The following ADAMTS14 variants were observed in gnomAD, a reference collection of about 807,000 sequenced individuals.
ADAMTS14 encodes ADAM metallopeptidase with thrombospondin type 1 motif 14.
A neutral mutation model predicts 128.6 loss-of-function variants in ADAMTS14; 100 were observed. The observed-to-expected ratio is 0.78, with a 90% CI of 0.66 to 0.92. The LOEUF (loss-of-function observed/expected upper bound fraction) is 0.92, where lower values mean the gene tolerates loss of function less well. ADAMTS14 is among the 40% of genes least tolerant of loss of function. The pLI is 0.00. For synonymous variants in ADAMTS14, 665 were observed against 653.8 expected, an observed-to-expected ratio of 1.02 and a Z score of -0.26; for missense variants, 1,562 against 1,658.6, an observed-to-expected ratio of 0.94 and a Z score of 1.01.
At chr10:70,684,158 G>A (rs1001926181) in intron 2 of ADAMTS14, among the ~76,000 whole-genome samples, 49 of 151,762 alleles carry the variant, frequency 3.2e-4, no homozygotes, top group African/African-American at 1.2e-3. Context: ...AGCAGGGGAG[G>A]GGGGTGCTAC....
chr10:70,714,571 T>C (rs7096512), intron 4 of ADAMTS14, among the ~76,000 whole-genome samples: 91,091 of 152,058 alleles, frequency 0.6, 28,152 homozygotes, highest in East Asian at 0.8. Context: ...CTGAAAGAGA[T>C]GGACTGGCAG....
intron 18 of ADAMTS14, among the ~76,000 whole-genome samples, chr10:70,752,596 C>T (rs1300690711): frequency 6.6e-6 from 1 of 152,184 alleles, no homozygotes; most frequent in East Asian, 1.9e-4. Context: ...GGCTCATGGC[C>T]AGGCCTCTGA....
intron 4 of ADAMTS14, among the ~76,000 whole-genome samples, chr10:70,719,165 A>G (rs1162140830): frequency 6.6e-6 from 1 of 152,040 alleles, no homozygotes; most frequent in African/African-American, 2.4e-5. Context: ...TCCACATCAA[A>G]TTGTCCACTG....
At chr10:70,691,581 C>T (rs1243581009) in intron 2 of ADAMTS14, among the ~76,000 whole-genome samples, 1 of 151,640 alleles carries the variant, frequency 6.6e-6, no homozygotes, top group Non-Finnish European at 1.5e-5. Context: ...TGGAGGACAG[C>T]CAGTCATCAC....
chr10:70,721,424 T>C (rs1318817417), intron 4 of ADAMTS14, among the ~76,000 whole-genome samples: 1 of 150,702 alleles, frequency 6.6e-6, no homozygotes, highest in African/African-American at 2.4e-5. Context: ...CTTGCTCTAT[T>C]GCCCAGGATG....
chr10:70,755,577 G>T (rs1198964338), intron 19 of ADAMTS14, among the ~76,000 whole-genome samples: 1 of 152,234 alleles, frequency 6.6e-6, no homozygotes, highest in Non-Finnish European at 1.5e-5. Flanking sequence ...GGGCGCGGTG[G>T]CTCACGCCTG....
intron 7 of ADAMTS14, 149 bp from the exon 8 acceptor site, chr10:70,733,736 C>G (rs565356950): frequency 6.1e-6 from 6 of 989,090 alleles, no homozygotes; most frequent in Non-Finnish European, 8.7e-6. Context: ...TTGGTCCTCC[C>G]CACTACGTGG....
chr10:70,745,378 A>G, intron 15 of ADAMTS14, 72 bp downstream of exon 15: 1 of 1,487,672 alleles, frequency 6.7e-7, no homozygotes, highest in Non-Finnish European at 9.3e-7. Context: ...GAGCTGGGAG[A>G]CCAGAGGACA....
At chr10:70,751,242 G>T (rs1842339006) in intron 16 of ADAMTS14, among the ~76,000 whole-genome samples, 1 of 152,142 alleles carries the variant, frequency 6.6e-6, no homozygotes, top group African/African-American at 2.4e-5. Flanking sequence ...GCATTCCTAG[G>T]TGCAGTGGCT....
intron 2 of ADAMTS14, among the ~76,000 whole-genome samples, chr10:70,697,234 T>C (rs1840355886): frequency 6.6e-6 from 1 of 152,248 alleles, no homozygotes; most frequent in African/African-American, 2.4e-5. Context: ...CTCAGCTGGC[T>C]TCACTGAAGC....
At chr10:70,679,222 C>T (rs1225966845) in intron 2 of ADAMTS14, among the ~76,000 whole-genome samples, 1 of 152,156 alleles carries the variant, frequency 6.6e-6, no homozygotes, top group African/African-American at 2.4e-5. Context: ...TAGTGCCAGG[C>T]CCCTGACCAG....
At chr10:70,709,462 A>G (rs1840770390) in intron 4 of ADAMTS14, among the ~76,000 whole-genome samples, 1 of 146,492 alleles carries the variant, frequency 6.8e-6, no homozygotes, top group South Asian at 2.2e-4. Context: ...ATTATGGAAA[A>G]TTTTAATCCA....
rs758830272 is a variant in ADAMTS14 at position 70,732,237 on chromosome 10, C to A, written c.1103-17C>A. The A allele has an allele frequency of 5.6e-6, 9 of 1,611,956 alleles. No individual in the cohort carries two copies. The highest frequency in any genetic ancestry group is 6.8e-6 in the Non-Finnish European group (8 of 1,178,036). On this transcript the variant is annotated splice_polypyrimidine_tract_variant and intron_variant, in intron 6 of 21. Transcript: ENST00000373207. ...CCCTCCACCTCGCTCTCCACCTTTT[C>A]TTTCTCTCTTCGGCAGGGTATGCAC...
Position 70,708,767 on chromosome 10 carries a change from C to T in ADAMTS14, c.859C>T (p.Leu287Phe), listed in dbSNP as rs778422367. 6.7e-7 allele frequency: 1 copy of T among 1,490,582 alleles called. No homozygotes were observed. The highest frequency in any genetic ancestry group is 1.8e-5 in the Admixed American group (1 of 55,782). The allele number at this position is 1,490,582 out of a possible 1,614,324, so 92.3% of individuals were successfully genotyped here. A position where few individuals can be genotyped will look rare whatever the true frequency, so the allele number is the denominator to read the frequency against. The change falls in exon 4 of 22, where the codon CTC becomes TTC. Residue 287 changes from leucine to phenylalanine, a missense_variant. Coordinates refer to ENST00000373207, the MANE Select transcript of ADAMTS14 (RefSeq NM_080722.4). ...KEHVQNYVLTLMNIVDEIYHD... is the reference protein window; with the variant it reads ...KEHVQNYVLTFMNIVDEIYHD... ...GCATGTGCAGAACTATGTCCTCACC[C>T]TCATGAATATCGTGAGTGTCCATGT...
At position 70,721,374 on chromosome 10, in the gene ADAMTS14, C is replaced by CT. The variant is rs937750581; in HGVS notation, c.871-7909dup. Among the ~76,000 whole-genome samples the CT allele has an allele frequency of 5.6e-3, 820 of 146,180 alleles. 7 individuals are homozygous for CT. The highest frequency in any genetic ancestry group is 0.018 in the African/African-American group (710 of 39,614). On this transcript the variant is annotated intron_variant, in intron 4 of 21. Transcript: ENST00000373207. ...ACTTAGGTCTTTATCATATGTTACT[C>CT]TTTTTTTTTTTCTCTTTTCTTTTTG...
At chr10:70,677,054 T>C (rs1248093031) in intron 2 of ADAMTS14, among the ~76,000 whole-genome samples, 1 of 151,986 alleles carries the variant, frequency 6.6e-6, no homozygotes, top group African/African-American at 2.4e-5. Flanking sequence ...CCCACCCCCT[T>C]TGCATCCTGA....
rs534019592 is a variant in ADAMTS14 at position 70,751,667 on chromosome 10, C to T, written c.2596+21C>T. The T allele has an allele frequency of 7.3e-5, 116 of 1,597,018 alleles. 1 individual carries two copies. In the South Asian group the frequency reaches 1.2e-3, roughly 17 times the overall value. On this transcript the variant is annotated intron_variant, in intron 17 of 21. Coordinates refer to ENST00000373207, the MANE Select transcript of ADAMTS14 (RefSeq NM_080722.4). Reference sequence around the variant, plus strand: ...AGGAGGTACCGGTTCCCTGACCCGCCAGTGCTTTGTTGGGGCAGCCCAGGA... The same window carrying T: ...AGGAGGTACCGGTTCCCTGACCCGCTAGTGCTTTGTTGGGGCAGCCCAGGA...
chr10:70,719,532 G>T (rs796483220), intron 4 of ADAMTS14, among the ~76,000 whole-genome samples: 8 of 152,104 alleles, frequency 5.3e-5, no homozygotes, highest in African/African-American at 1.9e-4. Context: ...CTCCCAAGTA[G>T]CTGGGACTAT....
At position 70,743,583 on chromosome 10, in the gene ADAMTS14, G is replaced by A; in HGVS notation, c.1960G>A (p.Asp654Asn). 1 of 1,612,962 alleles carries A rather than the reference G, an allele frequency of 6.2e-7. No homozygotes were observed. The highest frequency in any genetic ancestry group is 8.5e-7 in the Non-Finnish European group (1 of 1,179,744). ...QKCELICQSA[D>N]TGDVVFMNQV... The stretch of plus-strand genomic sequence containing the variant: ...GTGTGAGCTGATCTGCCAGTCGGCG[G>A]ACACGGGGGACGTGGTGTTCATGAA... Residue 654 changes from aspartate to asparagine, a missense_variant, in exon 13 of 22, where the codon GAC becomes AAC. Asp to Asn is a conservative substitution (Grantham distance 23). Transcript: ENST00000373207.
Sources: allele counts gnomAD v4.1 joint callset (sites outside exome capture counted in the v4.1 genomes callset), GRCh38; gene constraint gnomAD v4.1.1; transcripts MANE v1.5; gene names NCBI Gene and HGNC (gene_info 2026-07-23, HGNC 2026-07-21).